CAPRIN2: variants seen among roughly 807,000 people sequenced by gnomAD.
The protein encoded by CAPRIN2 is caprin-2.
CAPRIN2 carries 66 observed loss-of-function variants against 130.4 expected under a neutral mutation model. The observed-to-expected ratio is 0.51, with a 90% CI of 0.42 to 0.62. CAPRIN2 has a LOEUF of 0.62. Among genes scored for constraint, CAPRIN2 ranks in the 20% least tolerant of loss-of-function variants. The probability of loss-of-function intolerance (pLI) is 0.00; values close to 1 mark genes in which losing one functional copy is unlikely to be tolerated. For synonymous variants in CAPRIN2, 471 were observed against 444.1 expected, an observed-to-expected ratio of 1.06 and a Z score of -0.76; for missense variants, 1,185 against 1,246.6, an observed-to-expected ratio of 0.95 and a Z score of 0.74.
intron 13 of CAPRIN2, 172 bp from the exon 16 acceptor site, chr12:30,715,313 A>G: frequency 1.5e-6 from 1 of 654,268 alleles, no homozygotes; most frequent in Non-Finnish European, 2.7e-6. Flanking sequence ...CGTAATTCAT[A>G]TATATAATGG....
Position 30,715,038 on chromosome 12 carries a change from A to AT in CAPRIN2, c.2420dup (p.Asn807LysfsTer2). ...TACATCCTCTAACAGATCCCCGGCT[A>AT]TTGACAAATGGCTGAGTAGGTCTGG... On this transcript the variant is annotated frameshift_variant, in exon 14 of 17. Transcript: ENST00000298892. LOFTEE classifies it high-confidence loss of function. 1 of 1,614,052 alleles carries AT rather than the reference A, an allele frequency of 6.2e-7. No homozygotes were observed. Among genetic ancestry groups the AT allele is most frequent in the Non-Finnish European group, 8.5e-7 (1 of 1,179,926 alleles).
chr12:30,750,890 C>G (rs1555180175), intron 2 of CAPRIN2, among the ~76,000 whole-genome samples, 181 bp downstream of exon 3: 2 of 152,146 alleles, frequency 1.3e-5, no homozygotes, highest in South Asian at 4.1e-4. Context: ...GTCAACAGAA[C>G]AAAAAGTCAT....
chr12:30,738,502 G>T (rs556798617), intron 3 of CAPRIN2, among the ~76,000 whole-genome samples: 1 of 152,120 alleles, frequency 6.6e-6, no homozygotes, highest in African/African-American at 2.4e-5. Context: ...AACTGGCAAA[G>T]ATTTTGTAAC....
At chr12:30,734,523 T>C (rs2063795835) in intron 4 of CAPRIN2, among the ~76,000 whole-genome samples, 2 of 152,158 alleles carry the variant, frequency 1.3e-5, no homozygotes, top group African/African-American at 4.8e-5. Flanking sequence ...CACCAAATAA[T>C]TGTTACTTTG....
rs577607700 is a variant in CAPRIN2 at position 30,714,074 on chromosome 12, C to T, written c.2501-189G>A. On this transcript the variant is annotated intron_variant, in intron 14 of 16. Coordinates refer to ENST00000298892, the Ensembl canonical transcript of CAPRIN2. ...CATATTTATAGAACATTGCTGTCTT[C>T]AAATAAGCCAGGTTTATAAATTTAC... Among the ~76,000 whole-genome samples the T allele has an allele frequency of 1.6e-4, 24 of 152,242 alleles. No homozygotes were observed. The South Asian group carries it at 2.9e-3, about 18-fold the overall frequency.
chr12:30,726,561 T>A (rs549856712), intron 8 of CAPRIN2, among the ~76,000 whole-genome samples: 1 of 152,322 alleles, frequency 6.6e-6, no homozygotes, highest in South Asian at 2.1e-4. Flanking sequence ...TTGAGAGGGA[T>A]ACATATATTT....
chr12:30,739,243 G>A (rs2066242542), intron 3 of CAPRIN2, among the ~76,000 whole-genome samples: 1 of 152,206 alleles, frequency 6.6e-6, no homozygotes, highest in Non-Finnish European at 1.5e-5. Flanking sequence ...ACAAGATCAT[G>A]TCCTTTGCAG....
intron 12 of CAPRIN2, among the ~76,000 whole-genome samples, chr12:30,718,669 A>G (rs954360062): frequency 2.6e-5 from 4 of 152,278 alleles, no homozygotes; most frequent in African/African-American, 9.6e-5. Context: ...TGAAAGTTTC[A>G]GCAATGACAG....
chr12:30,745,264 A>G (rs2139416553), intron 2 of CAPRIN2, among the ~76,000 whole-genome samples: 1 of 152,382 alleles, frequency 6.6e-6, no homozygotes, highest in South Asian at 2.1e-4. Context: ...CTTGAATCTC[A>G]GCTCTTTATT....
At chr12:30,718,573 A>C (rs1284498823) in intron 12 of CAPRIN2, among the ~76,000 whole-genome samples, 1 of 152,218 alleles carries the variant, frequency 6.6e-6, no homozygotes, top group African/African-American at 2.4e-5. Flanking sequence ...CCTTAATTGC[A>C]ATTTGTAGAA....
At chr12:30,732,036 A>G (rs1490246611) in intron 5 of CAPRIN2, among the ~76,000 whole-genome samples, 1 of 152,046 alleles carries the variant, frequency 6.6e-6, no homozygotes, top group Non-Finnish European at 1.5e-5. Flanking sequence ...ATATTGGACA[A>G]TCTCTATTAG....
chr12:30,712,423 G>A (rs982233200), intron 15 of CAPRIN2, among the ~76,000 whole-genome samples: 1 of 152,176 alleles, frequency 6.6e-6, no homozygotes, highest in Non-Finnish European at 1.5e-5. Flanking sequence ...AGAAGAGACA[G>A]TTCTTTTACC....
At chr12:30,725,945 G>A in intron 9 of CAPRIN2, 21 bp downstream of exon 10, 1 of 1,531,884 alleles carries the variant, frequency 6.5e-7, no homozygotes, top group Non-Finnish European at 8.8e-7. Flanking sequence ...TATCATTTAA[G>A]ATTTTGTAAA....
intron 3 of CAPRIN2, among the ~76,000 whole-genome samples, chr12:30,738,599 C>T (rs1477806300): frequency 6.6e-6 from 1 of 152,074 alleles, no homozygotes; most frequent in Admixed American, 6.5e-5. Context: ...GCAAAAGAAA[C>T]CATCAACAGA....
chr12:30,709,978 C>T (rs868684130), exon 17 of CAPRIN2: 5 of 1,614,032 alleles, frequency 3.1e-6, no homozygotes, highest in Non-Finnish European at 4.2e-6. Flanking sequence ...CCTGTGCAGA[C>T]GTAACCATAT....
exon 9 of CAPRIN2, chr12:30,726,080 C>G: frequency 6.5e-7 from 1 of 1,539,946 alleles, no homozygotes; most frequent in Non-Finnish European, 8.8e-7. Flanking sequence ...GATGCACAGG[C>G]TTAGGCACCT....
intron 2 of CAPRIN2, among the ~76,000 whole-genome samples, chr12:30,749,882 G>T (rs113364882): frequency 1.3e-3 from 199 of 152,300 alleles, no homozygotes; most frequent in African/African-American, 4.6e-3. Context: ...AATGAAGTTT[G>T]CCTGGCTGGA....
chr12:30,711,500 T>C, intron 16 of CAPRIN2, 66 bp downstream of exon 18: 1 of 1,242,326 alleles, frequency 8.0e-7, no homozygotes, highest in South Asian at 1.2e-5. Flanking sequence ...AAGAACTTGG[T>C]AGAGGATGCA....
At position 30,714,948 on chromosome 12, in the gene CAPRIN2, T is replaced by G; in HGVS notation, c.2500+11A>C. 7 of 1,602,580 alleles carry G rather than the reference T, an allele frequency of 4.4e-6. No individual in the cohort carries two copies. The highest frequency in any genetic ancestry group is 6.0e-6 in the Non-Finnish European group (7 of 1,171,328). ...ATAATTCAGTATAATTCAATTTTAT[T>G]CAGGGCATACCTTTATAACCACCAG... On this transcript the variant is annotated intron_variant, in intron 14 of 16. Coordinates refer to ENST00000298892, the Ensembl canonical transcript of CAPRIN2.
Sources: gnomAD v4.1 joint callset for allele counts (sites outside exome capture counted in the v4.1 genomes callset) on GRCh38, gnomAD v4.1.1 for gene constraint, MANE v1.5 for transcripts, NCBI Gene and HGNC (gene_info 2026-07-23, HGNC 2026-07-21) for gene names.